Variants in FOXP2 observed in about 807,000 individuals in gnomAD.
The protein encoded by FOXP2 is forkhead box P2, also known as forkhead box protein P2.
A neutral mutation model predicts 115.8 loss-of-function variants in FOXP2; 12 were observed. The observed-to-expected ratio is 0.10, with a 90% CI of 0.07 to 0.17. The LOEUF is 0.17. Among genes scored for constraint, FOXP2 ranks in the 10% least tolerant of loss-of-function variants. FOXP2 has a pLI of 1.00. For synonymous variants in FOXP2, 328 were observed against 297.7 expected (o/e 1.10, Z -1.05); for missense variants, 629 against 843.5 (o/e 0.75, Z 3.15).
chr7:114,550,112 C>A (rs201568419), intron 3 of FOXP2, among the ~76,000 whole-genome samples: 60 of 103,272 alleles, frequency 5.8e-4, no homozygotes, highest in African/African-American at 2.2e-3. Flanking sequence ...CCTTTCTTTT[C>A]TTTTTTTTTT....
chr7:114,610,492 A>G (rs1803569036), intron 3 of FOXP2, among the ~76,000 whole-genome samples: 1 of 152,196 alleles, frequency 6.6e-6, no homozygotes, highest in Non-Finnish European at 1.5e-5. Flanking sequence ...TAATATTTTA[A>G]TGTTAACATT....
intron 2 of FOXP2, among the ~76,000 whole-genome samples, chr7:114,505,876 A>G (rs1477760898): frequency 6.6e-6 from 1 of 151,658 alleles, no homozygotes; most frequent in Non-Finnish European, 1.5e-5. Flanking sequence ...GTATATTTCT[A>G]TGCTGGTTCC....
intron 3 of FOXP2, among the ~76,000 whole-genome samples, chr7:114,621,612 A>G (rs1404912452): frequency 6.6e-6 from 1 of 152,014 alleles, no homozygotes; most frequent in Non-Finnish European, 1.5e-5. Context: ...AGCAACTCCA[A>G]GTGCAGTGAG....
intron 1 of FOXP2, chr7:114,416,410 G>A (rs1267174875): frequency 6.7e-6 from 1 of 148,274 alleles, no homozygotes; most frequent in Non-Finnish European, 1.5e-5. Context: ...TGACCAGTTT[G>A]ACATTCTTCA....
At chr7:114,514,026 C>T (rs1798202659) in intron 2 of FOXP2, among the ~76,000 whole-genome samples, 1 of 151,568 alleles carries the variant, frequency 6.6e-6, no homozygotes, top group South Asian at 2.1e-4. Flanking sequence ...TAACATTGTA[C>T]ATATGTGTAT....
At chr7:114,447,585 C>A (rs775325073) in intron 2 of FOXP2, among the ~76,000 whole-genome samples, 11 of 152,154 alleles carry the variant, frequency 7.2e-5, no homozygotes, top group Non-Finnish European at 1.5e-4. Flanking sequence ...AAGCTGTTTT[C>A]TTCCTGGATC....
At position 114,532,603 on chromosome 7, in the gene FOXP2, A is replaced by G. The variant is rs961383122; in HGVS notation, c.169-2014A>G. ...TCTTATGTGCTAGAATAAGGAGGTC[A>G]GATTAGATGATTTTCAAGATAGCTT... On this transcript the variant is annotated intron_variant, in intron 2 of 16. Transcript: ENST00000350908. 3.9e-5 allele frequency among the ~76,000 whole-genome samples: 6 copies of G among 151,920 alleles called. No homozygotes were observed. In the East Asian group the frequency reaches 1.2e-3, roughly 29 times the overall value.
chr7:114,572,488 A>G (rs1325409899), intron 3 of FOXP2, among the ~76,000 whole-genome samples: 2 of 151,826 alleles, frequency 1.3e-5, no homozygotes, highest in Non-Finnish European at 2.9e-5. Context: ...TTAATTTCTA[A>G]GTATTCTCTG....
rs114114511 is a variant in FOXP2 at position 114,494,763 on chromosome 7, C to T, written c.169-39854C>T. On this transcript the variant is annotated intron_variant, in intron 2 of 16. Transcript: ENST00000350908. The stretch of plus-strand genomic sequence containing the variant: ...TCTAATATCTCTGTTAACAAAGACT[C>T]ATGCCACTGAAATTTATATGAAAAA... Among the ~76,000 whole-genome samples the T allele has an allele frequency of 3.9e-3, 589 of 152,042 alleles. 6 individuals carry two copies. The highest frequency in any genetic ancestry group is 0.013 in the African/African-American group (553 of 41,478).
At chr7:114,377,691 T>A (rs1459809824) in intron 2 of FOXP2, among the ~76,000 whole-genome samples, 3 of 152,210 alleles carry the variant, frequency 2.0e-5, no homozygotes, top group Non-Finnish European at 4.4e-5. Context: ...GGTATGATAA[T>A]GGTCTCCTGG....
At chr7:114,367,142 T>C (rs1791900699) in intron 2 of FOXP2, among the ~76,000 whole-genome samples, 1 of 152,086 alleles carries the variant, frequency 6.6e-6, no homozygotes, top group South Asian at 2.1e-4. Context: ...AGTTTTAAAC[T>C]CATATGAGTT....
chr7:114,138,168 C>T (rs1562977083), intron 1 of FOXP2, among the ~76,000 whole-genome samples: 2 of 152,022 alleles, frequency 1.3e-5, no homozygotes, highest in South Asian at 4.2e-4. Flanking sequence ...TACTTAACCC[C>T]CAAGGAGGTA....
chr7:114,519,614 G>A (rs1382803560), intron 2 of FOXP2, among the ~76,000 whole-genome samples: 5 of 152,108 alleles, frequency 3.3e-5, no homozygotes, highest in Non-Finnish European at 7.4e-5. Flanking sequence ...TGCCAGTTAT[G>A]TAAATGAAGA....
At chr7:114,285,086 C>T (rs1323939287) in intron 1 of FOXP2, among the ~76,000 whole-genome samples, 2 of 152,044 alleles carry the variant, frequency 1.3e-5, no homozygotes, top group Non-Finnish European at 2.9e-5. Flanking sequence ...GTACTAGGCT[C>T]AATACCTGCA....
At chr7:114,629,566 C>T (rs1172539807) in intron 4 of FOXP2, 5 of 1,534,124 alleles carry the variant, frequency 3.3e-6, no homozygotes, top group Non-Finnish European at 3.5e-6. Flanking sequence ...CTTTAGAATA[C>T]AGACTTTCTA....
chr7:114,668,615 C>G (rs1807308384), intron 16 of FOXP2: 1 of 152,080 alleles, frequency 6.6e-6, no homozygotes, highest in Non-Finnish European at 1.5e-5. Context: ...CTTCTTATAC[C>G]ACTATTTTGG....
At chr7:114,681,981 G>C (rs770659469) in intron 16 of FOXP2, among the ~76,000 whole-genome samples, 2 of 152,052 alleles carry the variant, frequency 1.3e-5, no homozygotes, top group Non-Finnish European at 2.9e-5. Flanking sequence ...TCCAAAAAAG[G>C]TTATAAGGTT....
rs1393402536 is a variant in FOXP2 at position 114,690,189 on chromosome 7, A to T, written c.*263A>T. 5 of 505,230 alleles carry T rather than the reference A, an allele frequency of 9.9e-6. No homozygotes were observed. Among genetic ancestry groups the T allele is most frequent in the Non-Finnish European group, 1.8e-5 (5 of 271,826 alleles). 31.3% of individuals were successfully genotyped at this position (505,230 alleles called of 1,614,324 possible). ...CTGATTTTCTTGAAAAAAAAAAATG[A>T]ACTGTTCTTTCTATAATGGCTTTGC... On this transcript the variant is annotated 3_prime_UTR_variant, in exon 17 of 17. Transcript: ENST00000350908.
intron 1 of FOXP2, among the ~76,000 whole-genome samples, chr7:114,170,329 CT>C (rs376931207): frequency 1.3e-5 from 2 of 152,266 alleles, no homozygotes; most frequent in African/African-American, 4.8e-5. Flanking sequence ...TTCAGGCTTC[CT>C]TCCCTCTTCC....
Sources: gnomAD v4.1 joint callset for allele counts (sites outside exome capture counted in the v4.1 genomes callset) on GRCh38, gnomAD v4.1.1 for gene constraint, MANE v1.5 for transcripts, NCBI Gene and HGNC (gene_info 2026-07-23, HGNC 2026-07-21) for gene names.